The following VEGFC variants were observed in gnomAD, a reference collection of about 807,000 sequenced individuals.
VEGFC encodes the protein vascular endothelial growth factor C.
VEGFC carries 12 observed loss-of-function variants against 46.1 expected under a neutral mutation model. The ratio of observed to expected loss-of-function variants is 0.26; its 90% confidence interval spans 0.17 to 0.42. VEGFC has a LOEUF of 0.42. VEGFC is among the 10% of genes least tolerant of loss of function. VEGFC has a pLI of 1.00. For missense variants in VEGFC, 488 were observed against 529.4 expected (o/e 0.92, Z 0.77); for synonymous variants, 232 against 195.5 (o/e 1.19, Z -1.56).
chr4:176,686,858 A>G (rs1454130344), intron 6 of VEGFC, among the ~76,000 whole-genome samples: 1 of 152,208 alleles, frequency 6.6e-6, no homozygotes, highest in African/African-American at 2.4e-5. Context: ...CAGTTGTCCT[A>G]AATTATGTCT....
chr4:176,718,257 GATACA>G (rs36206557), intron 3 of VEGFC, among the ~76,000 whole-genome samples: 13,377 of 151,996 alleles, frequency 0.088, 1,195 homozygotes, highest in African/African-American at 0.21. Flanking sequence ...ACTTGCTAAA[GATACA>G]ATACAAATCA....
At chr4:176,778,631 T>C (rs1282231321) in intron 1 of VEGFC, among the ~76,000 whole-genome samples, 1 of 152,206 alleles carries the variant, frequency 6.6e-6, no homozygotes, top group Non-Finnish European at 1.5e-5. Context: ...AGTTATTTTG[T>C]TGAACAACTA....
At chr4:176,715,728 C>G (rs919901658) in intron 3 of VEGFC, among the ~76,000 whole-genome samples, 1 of 151,994 alleles carries the variant, frequency 6.6e-6, no homozygotes, top group Non-Finnish European at 1.5e-5. Context: ...TTTCCGTAAG[C>G]TTTTTTTCCT....
intron 1 of VEGFC, among the ~76,000 whole-genome samples, chr4:176,744,120 AT>A (rs1430777619): frequency 6.6e-6 from 1 of 152,026 alleles, no homozygotes; most frequent in Non-Finnish European, 1.5e-5. Context: ...AAGGAAAAAA[AT>A]GTCACTTTAT....
chr4:176,706,914 A>C (rs34861611), intron 4 of VEGFC, among the ~76,000 whole-genome samples: 3,065 of 152,266 alleles, frequency 0.02, 50 homozygotes, highest in Non-Finnish European at 0.03. Context: ...TCCTCAAACA[A>C]ACACTGAATT....
chr4:176,767,563 G>C (rs748453616), intron 1 of VEGFC, among the ~76,000 whole-genome samples: 25 of 152,178 alleles, frequency 1.6e-4, no homozygotes, highest in Non-Finnish European at 3.2e-4. Context: ...ACTTCCCACT[G>C]TTGATAGTAC....
At chr4:176,746,691 T>C (rs1735262696) in intron 1 of VEGFC, among the ~76,000 whole-genome samples, 1 of 152,144 alleles carries the variant, frequency 6.6e-6, no homozygotes, top group Non-Finnish European at 1.5e-5. Context: ...AGCCTTTTGA[T>C]TGGTTGATGC....
chr4:176,698,335 G>A (rs970516579), intron 4 of VEGFC, among the ~76,000 whole-genome samples: 31 of 151,724 alleles, frequency 2.0e-4, no homozygotes, highest in Admixed American at 2.0e-3. Flanking sequence ...CTTTTGTTTG[G>A]TCTTAGTCAG....
At chr4:176,732,472 C>T (rs1161685269) in intron 1 of VEGFC, among the ~76,000 whole-genome samples, 1 of 151,662 alleles carries the variant, frequency 6.6e-6, no homozygotes, top group East Asian at 2.0e-4. Context: ...TTTGAGGAAC[C>T]TGAGTAGAAA....
intron 1 of VEGFC, among the ~76,000 whole-genome samples, chr4:176,772,803 A>T (rs1221026151): frequency 6.6e-6 from 1 of 152,176 alleles, no homozygotes; most frequent in Non-Finnish European, 1.5e-5. Flanking sequence ...CACCATGAGA[A>T]GACACAGTAA....
intron 1 of VEGFC, among the ~76,000 whole-genome samples, chr4:176,761,165 A>G (rs1735524426): frequency 6.6e-6 from 1 of 152,216 alleles, no homozygotes; most frequent in African/African-American, 2.4e-5. Context: ...ATTAAATTAT[A>G]CAATTGATGT....
Position 176,692,545 on chromosome 4 carries a change from G to C in VEGFC, c.705-4618C>G, listed in dbSNP as rs1452004428. ...CAAACTGCAAGGCGGCAATGAGGCT[G>C]GGGGAGGGACGCCCGCCATTGCCCA... On this transcript the variant is annotated intron_variant, in intron 4 of 6. Transcript: ENST00000618562. Among the ~76,000 whole-genome samples the C allele has an allele frequency of 2.2e-5, 3 of 133,866 alleles. 1 individual carries two copies. Among genetic ancestry groups the C allele is most frequent in the Non-Finnish European group, 4.5e-5 (3 of 66,138 alleles). The allele number at this position is 133,866 out of a possible 152,430, so 87.8% of individuals were successfully genotyped here. A position where few individuals can be genotyped will look rare whatever the true frequency, so the allele number is the denominator to read the frequency against.
chr4:176,786,400 C>G (rs1036606116), intron 1 of VEGFC, among the ~76,000 whole-genome samples: 2 of 152,246 alleles, frequency 1.3e-5, no homozygotes, highest in Admixed American at 6.5e-5. Context: ...TGCTGTCATT[C>G]TTCAATATTC....
rs999139449 is a variant in VEGFC at position 176,687,371 on chromosome 4, T to C, written c.961A>G (p.Asn321Asp). The C allele has an allele frequency of 1.2e-5, 19 of 1,614,084 alleles. No homozygotes were observed. The highest frequency in any genetic ancestry group is 1.6e-5 in the Non-Finnish European group (19 of 1,180,042). The part of the protein sequence containing the change: ...DRNSCQCVCK[N>D]KLFPSQCGAN... ...CCACATTGGCTGGGGAAGAGTTTGT[T>C]TTTACAGACACACTGGCATGAGTTT... Residue 321 changes from asparagine to aspartate, a missense_variant, in exon 6 of 7, where the codon AAC becomes GAC. Physicochemically the swap from Asn to Asp is conservative, Grantham distance 23. Coordinates refer to ENST00000618562, the MANE Select transcript of VEGFC (RefSeq NM_005429.5).
chr4:176,730,221 A>C (rs1343428689), intron 1 of VEGFC, among the ~76,000 whole-genome samples: 1 of 152,200 alleles, frequency 6.6e-6, no homozygotes, highest in Non-Finnish European at 1.5e-5. Context: ...TAGAACAAAT[A>C]ATCATATGAA....
intron 1 of VEGFC, among the ~76,000 whole-genome samples, chr4:176,776,165 A>G (rs1354958433): frequency 2.6e-5 from 4 of 152,214 alleles, no homozygotes; most frequent in East Asian, 1.9e-4. Flanking sequence ...CTTGCTTTAC[A>G]TAAGTCTGAA....
intron 6 of VEGFC, among the ~76,000 whole-genome samples, chr4:176,686,525 G>T (rs1734045036): frequency 6.6e-6 from 1 of 152,170 alleles, no homozygotes; most frequent in Non-Finnish European, 1.5e-5. Context: ...AATGTTGAAG[G>T]AATGTGGAGA....
intron 4 of VEGFC, among the ~76,000 whole-genome samples, chr4:176,691,823 G>C (rs539852662): frequency 6.6e-6 from 1 of 152,160 alleles, no homozygotes; most frequent in South Asian, 2.1e-4. Flanking sequence ...GAACAGCTCC[G>C]GTCTACAGCT....
At chr4:176,711,093 A>C (rs1287778859) in intron 4 of VEGFC, among the ~76,000 whole-genome samples, 2 of 152,162 alleles carry the variant, frequency 1.3e-5, no homozygotes, top group Non-Finnish European at 2.9e-5. Flanking sequence ...GCTAATAGAT[A>C]TAAAATTATT....
Sources: gnomAD v4.1 joint callset for allele counts (sites outside exome capture counted in the v4.1 genomes callset) on GRCh38, gnomAD v4.1.1 for gene constraint, MANE v1.5 for transcripts, NCBI Gene and HGNC (gene_info 2026-07-23, HGNC 2026-07-21) for gene names.